The following ROBO2 variants were observed in gnomAD, a reference collection of about 807,000 sequenced individuals.
ROBO2 encodes roundabout guidance receptor 2, also known as roundabout homolog 2.
A neutral mutation model predicts 160.8 loss-of-function variants in ROBO2; 53 were observed. The ratio of observed to expected loss-of-function variants is 0.33; its 90% CI spans 0.26 to 0.41. ROBO2 has a LOEUF of 0.41. Ranked by LOEUF, ROBO2 falls within the 10% of genes least tolerant of loss-of-function variation. ROBO2 has a pLI of 1.00. For synonymous variants in ROBO2, 664 were observed against 611.7 expected (o/e 1.09, Z -1.26); for missense variants, 1,577 against 1,722.4 (o/e 0.92, Z 1.49).
Position 77,602,475 on chromosome 3 carries a change from G to A in ROBO2, c.3120G>A (p.Gln1040=), listed in dbSNP as rs367630333. 6 of 1,613,970 alleles carry A rather than the reference G, an allele frequency of 3.7e-6. No individual in the cohort carries two copies. In the East Asian group the frequency reaches 1.3e-4, roughly 36 times the overall value. Residue 1040 remains glutamine, a synonymous_variant, in exon 20 of 26, where the codon CAG becomes CAA. Coordinates refer to ENST00000461745, the Ensembl canonical transcript of ROBO2. ...GATTTGGTTATTCTCTACCTGATCA[G>A]AACAAAGGTAACAATGGTGAGTCAG...
chr3:76,898,834 A>AT (rs2075011372), intron 2 of ROBO2, among the ~76,000 whole-genome samples: 1 of 152,158 alleles, frequency 6.6e-6, no homozygotes, highest in Admixed American at 6.6e-5. Context: ...ATATTTGTTA[A>AT]AAATATATGT....
chr3:76,442,100 C>T (rs774417463), intron 2 of ROBO2, among the ~76,000 whole-genome samples: 5 of 152,270 alleles, frequency 3.3e-5, no homozygotes, highest in East Asian at 3.9e-4. Context: ...AGAAGAAAAA[C>T]GAGTAAGGGC....
intron 2 of ROBO2, among the ~76,000 whole-genome samples, chr3:77,229,464 C>G (rs1017863537): frequency 1.3e-5 from 2 of 151,644 alleles, no homozygotes; most frequent in African/African-American, 2.4e-5. Context: ...AGGTGGATCA[C>G]CTGAGGATAA....
At chr3:76,759,443 T>A (rs1390849861) in intron 2 of ROBO2, among the ~76,000 whole-genome samples, 3 of 151,910 alleles carry the variant, frequency 2.0e-5, no homozygotes, top group South Asian at 4.1e-4. Context: ...TGATGTGGAT[T>A]TTTTTAGTGT....
chr3:76,673,731 G>C (rs754985225), intron 2 of ROBO2, among the ~76,000 whole-genome samples: 1 of 151,650 alleles, frequency 6.6e-6, no homozygotes, highest in Non-Finnish European at 1.5e-5. Flanking sequence ...TTTTTAGCAA[G>C]GTGAAAATGA....
At chr3:77,238,995 G>C (rs1243160774) in intron 2 of ROBO2, among the ~76,000 whole-genome samples, 3 of 152,126 alleles carry the variant, frequency 2.0e-5, no homozygotes, top group Non-Finnish European at 4.4e-5. Context: ...ACCAAAATCT[G>C]CAGATGCTCA....
intron 2 of ROBO2, among the ~76,000 whole-genome samples, chr3:76,453,526 A>C (rs970673525): frequency 1.3e-5 from 2 of 152,040 alleles, no homozygotes; most frequent in African/African-American, 4.8e-5. Flanking sequence ...GTTCTGTTCC[A>C]TTGGTCTATA....
intron 2 of ROBO2, among the ~76,000 whole-genome samples, chr3:77,223,211 T>C (rs1003292909): frequency 6.6e-6 from 1 of 152,152 alleles, no homozygotes; most frequent in Non-Finnish European, 1.5e-5. Context: ...AAAGAATGAA[T>C]GTAGACTTTC....
intron 2 of ROBO2, among the ~76,000 whole-genome samples, chr3:76,661,638 G>C (rs1287470537): frequency 1.3e-5 from 2 of 152,158 alleles, no homozygotes; most frequent in African/African-American, 4.8e-5. Flanking sequence ...GGTTGAGAGA[G>C]TTGTTTCGTC....
chr3:77,471,730 G>A (rs2083371655), intron 2 of ROBO2, among the ~76,000 whole-genome samples: 1 of 152,192 alleles, frequency 6.6e-6, no homozygotes, highest in Admixed American at 6.5e-5. Context: ...GAGACTGAAA[G>A]AAAGGTCAAA....
chr3:77,500,071 G>A (rs912477760), intron 5 of ROBO2, among the ~76,000 whole-genome samples: 2 of 152,130 alleles, frequency 1.3e-5, no homozygotes, highest in African/African-American at 2.4e-5. Flanking sequence ...CACCTCCAGT[G>A]CAATCAGTCA....
intron 2 of ROBO2, among the ~76,000 whole-genome samples, chr3:76,390,642 A>G (rs2108638919): frequency 6.6e-6 from 1 of 152,092 alleles, no homozygotes; most frequent in Non-Finnish European, 1.5e-5. Flanking sequence ...TACTTTATTT[A>G]TTTTTCCTCA....
At chr3:77,049,777 G>C (rs958579736) in intron 1 of ROBO2, among the ~76,000 whole-genome samples, 1 of 152,138 alleles carries the variant, frequency 6.6e-6, no homozygotes, top group Admixed American at 6.5e-5. Context: ...GGAGAACATG[G>C]AATATAACTC....
Position 76,622,261 on chromosome 3 carries a change from A to AGAAAGAAAGAAG in ROBO2, c.110-475742_110-475741insGGAAAGAAAGAA, listed in dbSNP as rs1560252627. 7.7e-4 allele frequency among the ~76,000 whole-genome samples: 50 copies of AGAAAGAAAGAAG among 64,984 alleles called. 3 individuals are homozygous for AGAAAGAAAGAAG. Among genetic ancestry groups the AGAAAGAAAGAAG allele is most frequent in the Non-Finnish European group, 1.1e-3 (36 of 31,360 alleles). 42.6% of individuals were successfully genotyped at this position (64,984 alleles called of 152,430 possible). A position where few individuals can be genotyped will look rare whatever the true frequency, so the allele number is the denominator to read the frequency against. On this transcript the variant is annotated intron_variant, in intron 2 of 26. Coordinates refer to the ROBO2 transcript ENST00000487694. ...AAGAAAGAAAGAAAGAAAGAAAGAA[A>AGAAAGAAAGAAG]GAAAGAAAGAAAGAAAGAAAGAAAG...
At chr3:77,548,136 C>T (rs539118286) in intron 7 of ROBO2, among the ~76,000 whole-genome samples, 2 of 151,294 alleles carry the variant, frequency 1.3e-5, no homozygotes, top group Admixed American at 6.6e-5. Flanking sequence ...CACTCACATA[C>T]ACATACACAT....
At chr3:77,063,287 A>G (rs2066510029) in intron 1 of ROBO2, among the ~76,000 whole-genome samples, 1 of 152,232 alleles carries the variant, frequency 6.6e-6, no homozygotes, top group Non-Finnish European at 1.5e-5. Context: ...TCTGTTTTCT[A>G]AAAGCTCTCT....
intron 2 of ROBO2, among the ~76,000 whole-genome samples, chr3:75,957,704 G>T (rs1207653006): frequency 6.7e-6 from 1 of 150,322 alleles, no homozygotes; most frequent in African/African-American, 2.5e-5. Context: ...TTACTAAGAG[G>T]GTTTTTTTTT....
intron 2 of ROBO2, among the ~76,000 whole-genome samples, chr3:76,141,145 CTCTCTCTCTCTCTCTATATATATATA>C (rs1294591995): frequency 3.4e-5 from 2 of 59,262 alleles, no homozygotes; most frequent in African/African-American, 1.5e-4. Flanking sequence ...CTCTCTCTCT[CTCTCTCTCTCTCTCTATATATATATA>C]TATATATATA....
Position 77,559,713 on chromosome 3 carries a change from C to T in ROBO2, c.1437+1564C>T, listed in dbSNP as rs185238433. Among the ~76,000 whole-genome samples, 32 of 152,126 alleles carry T rather than the reference C, an allele frequency of 2.1e-4. No homozygotes were observed. In the East Asian group the frequency reaches 4.8e-3, roughly 23 times the overall value. On this transcript the variant is annotated intron_variant, in intron 9 of 25. Transcript: ENST00000461745. ...TACAATTATATGTTTATCTGATTAT[C>T]GCTATATCATACAGACGTATATCAG... is the stretch of plus-strand genomic sequence containing the variant.
Sources: allele counts gnomAD v4.1 joint callset (sites outside exome capture counted in the v4.1 genomes callset), GRCh38; gene constraint gnomAD v4.1.1; transcripts MANE v1.5; gene names NCBI Gene and HGNC (gene_info 2026-07-23, HGNC 2026-07-21).